Variants in CACNA1I observed in about 807,000 individuals in gnomAD.
CACNA1I encodes the protein voltage-dependent T-type calcium channel subunit alpha-1I.
In CACNA1I, 74 loss-of-function variants were observed where a neutral mutation model predicts 201.6. The ratio of observed to expected loss-of-function variants is 0.37; its 90% CI spans 0.30 to 0.45. The LOEUF is 0.45. CACNA1I is among the 20% of genes least tolerant of loss of function. The probability of loss-of-function intolerance (pLI) is 1.00; values close to 1 mark genes in which losing one functional copy is unlikely to be tolerated. For synonymous variants in CACNA1I, 1,431 were observed against 1,345.2 expected (o/e 1.06, Z -1.40); for missense variants, 2,346 against 3,138.1 (o/e 0.75, Z 6.03).
intron 5 of CACNA1I, among the ~76,000 whole-genome samples, chr22:39,640,497 C>A (rs767832340): frequency 6.6e-6 from 1 of 152,160 alleles, no homozygotes; most frequent in African/African-American, 2.4e-5. Context: ...TCTGCTAGAT[C>A]GGTAAAAGCC....
chr22:39,679,521 G>A (rs575404218), intron 32 of CACNA1I, 76 bp downstream of exon 32: 1 of 1,164,700 alleles, frequency 8.6e-7, no homozygotes, highest in African/African-American at 1.6e-5. Flanking sequence ...CAGGGCCAGG[G>A]AGGCCTTGCA....
At chr22:39,607,439 A>G (rs12160360) in intron 3 of CACNA1I, among the ~76,000 whole-genome samples, 1 of 152,218 alleles carries the variant, frequency 6.6e-6, no homozygotes, top group African/African-American at 2.4e-5. Flanking sequence ...AGAAATCTGC[A>G]TTGTAACCAA....
chr22:39,630,534 A>G (rs73424163), intron 4 of CACNA1I, among the ~76,000 whole-genome samples: 4,248 of 152,288 alleles, frequency 0.028, 179 homozygotes, highest in African/African-American at 0.095. Context: ...GTCGGCCTTC[A>G]AGGGACTGCT....
chr22:39,626,444 G>A (rs1156834012), intron 4 of CACNA1I, among the ~76,000 whole-genome samples: 2 of 152,212 alleles, frequency 1.3e-5, no homozygotes, highest in Admixed American at 1.3e-4. Flanking sequence ...GGGTTGGAGA[G>A]GGTGTGCCTG....
rs150937571 is a variant in CACNA1I, at chr22:39,582,532, T to A, written c.236+11544T>A. On this transcript the variant is annotated intron_variant, in intron 1 of 36. Coordinates refer to ENST00000402142, the MANE Select transcript of CACNA1I (RefSeq NM_021096.4). ...TGAAAAACCCAGCCCAGGCAGTCTC[T>A]GAGATCTCTTGAAGCTCTGAAAGTG... Among the ~76,000 whole-genome samples the A allele has an allele frequency of 8.2e-3, 1,244 of 152,232 alleles. 25 individuals carry two copies. Among genetic ancestry groups the A allele is most frequent in the African/African-American group, 0.029 (1,198 of 41,512 alleles).
In CACNA1I at chr22:39,649,955, C is replaced by A; in HGVS notation, c.1992+30C>A. Reference sequence around the variant, plus strand: ...GTGCAGCGCAGCCGGGCCGGGCCTGCGGGAGAGGTGTGAGGGCCCCAGGAC... The same window carrying A: ...GTGCAGCGCAGCCGGGCCGGGCCTGAGGGAGAGGTGTGAGGGCCCCAGGAC... On this transcript the variant is annotated intron_variant, in intron 10 of 36. Transcript: ENST00000402142. This position sits in a 1 kb window ranked among gnomAD's most constrained non-coding sequence, Gnocchi z 7.3. The A allele has an allele frequency of 1.2e-6, 2 of 1,610,574 alleles. No homozygotes were observed. Among genetic ancestry groups the A allele is most frequent in the Non-Finnish European group, 1.7e-6 (2 of 1,178,280 alleles).
At chr22:39,617,408 T>C (rs1381714629) in intron 3 of CACNA1I, among the ~76,000 whole-genome samples, 1 of 151,628 alleles carries the variant, frequency 6.6e-6, no homozygotes, top group Middle Eastern at 3.2e-3. Context: ...AGGGACTGAC[T>C]CCCCCCACCC....
chr22:39,658,115 T>C, intron 10 of CACNA1I, 37 bp from the exon 11 acceptor site: 1 of 1,609,784 alleles, frequency 6.2e-7, no homozygotes, highest in Non-Finnish European at 8.5e-7. Context: ...CCCTCTGGCC[T>C]GACCGGGTCT....
rs954898228 is a variant in CACNA1I at position 39,660,536 on chromosome 22, C to T, written c.2698+99C>T. On this transcript the variant is annotated intron_variant, in intron 15 of 36. Coordinates refer to ENST00000402142, the MANE Select transcript of CACNA1I (RefSeq NM_021096.4). ...CGTCTGACTCCACCTCAAGCCCAGG[C>T]TCAGGGACTGCTACTTATCTATGGT... 1.0e-5 allele frequency: 7 copies of T among 696,074 alleles called. No individual in the cohort carries two copies. The African/African-American group carries it at 1.3e-4, about 13-fold the overall frequency. 43.1% of individuals were successfully genotyped at this position (696,074 alleles called of 1,614,324 possible). A position where few individuals can be genotyped will look rare whatever the true frequency, so the allele number is the denominator to read the frequency against.
At chr22:39,664,287 C>A in intron 20 of CACNA1I, 128 bp downstream of exon 20, 2 of 758,074 alleles carry the variant, frequency 2.6e-6, no homozygotes, top group Non-Finnish European at 4.3e-6. Flanking sequence ...CATGGCCCAC[C>A]CCTCTGGGTG....
Position 39,665,399 on chromosome 22 carries a change from T to G in CACNA1I, c.3852-99T>G. On this transcript the variant is annotated intron_variant, in intron 21 of 36. Transcript: ENST00000402142. The surrounding 1 kb of genome is among the most constrained non-coding windows in gnomAD (Gnocchi z 5.5). ...AGCCCTGGTGAGCCCTGGGGACTCA[T>G]GCCCTGGGATACTCAGCCCTGGTGA... 1 of 1,441,496 alleles carries G rather than the reference T, an allele frequency of 6.9e-7. No individual in the cohort carries two copies. The highest frequency in any genetic ancestry group is 9.5e-7 in the Non-Finnish European group (1 of 1,056,132). The allele number at this position is 1,441,496 out of a possible 1,614,324, so 89.3% of individuals were successfully genotyped here. A position where few individuals can be genotyped will look rare whatever the true frequency, so the allele number is the denominator to read the frequency against.
chr22:39,658,365 C>A (rs1934893506), intron 11 of CACNA1I, 62 bp downstream of exon 11: 13 of 1,504,838 alleles, frequency 8.6e-6, no homozygotes, highest in Non-Finnish European at 1.2e-5. Context: ...CTGCAAAGAC[C>A]CCAGCCAGCA....
At position 39,649,717 on chromosome 22, in the gene CACNA1I, G is replaced by A. The variant is rs375727237; in HGVS notation, c.1784G>A (p.Arg595Gln). 334 of 1,535,434 alleles carry A rather than the reference G, an allele frequency of 2.2e-4. No homozygotes were observed. The highest frequency in any genetic ancestry group is 7.1e-4 in the African/African-American group (52 of 73,162). Reference protein sequence around the residue: ...GEDEADGDGARSSEDGASSEL... With the variant: ...GEDEADGDGAQSSEDGASSEL... Reference sequence around the variant, plus strand: ...GACGAGGCGGATGGGGACGGGGCCCGGAGCAGCGAGGACGGAGCCTCCTCA... The same window carrying A: ...GACGAGGCGGATGGGGACGGGGCCCAGAGCAGCGAGGACGGAGCCTCCTCA... Residue 595 changes from arginine to glutamine, a missense_variant, in exon 10 of 37, where the codon CGG becomes CAG. Physicochemically the swap from Arg to Gln is conservative, Grantham distance 43. Around this residue, in one of 13 missense-constraint regions of CACNA1I, gnomAD observed 312 missense variants for 331.5 expected, o/e 0.94. Coordinates refer to ENST00000402142, the MANE Select transcript of CACNA1I (RefSeq NM_021096.4). This position sits in a 1 kb window ranked among gnomAD's most constrained non-coding sequence, Gnocchi z 7.3.
At chr22:39,636,094 A>G (rs1462652720) in intron 5 of CACNA1I, among the ~76,000 whole-genome samples, 1 of 152,172 alleles carries the variant, frequency 6.6e-6, no homozygotes, top group Non-Finnish European at 1.5e-5. Flanking sequence ...TTGAAGGAAT[A>G]AGTGAGTAAG....
At chr22:39,672,434 A>G (rs1328513156) in intron 27 of CACNA1I, 126 bp downstream of exon 27, 1 of 711,276 alleles carries the variant, frequency 1.4e-6, no homozygotes, top group East Asian at 2.5e-5. Flanking sequence ...GCACGGATGG[A>G]CAGGCACCCC....
chr22:39,628,380 T>C (rs1933956982), intron 4 of CACNA1I, among the ~76,000 whole-genome samples: 2 of 151,830 alleles, frequency 1.3e-5, no homozygotes, highest in African/African-American at 4.8e-5. Flanking sequence ...GGAGGAGGCT[T>C]CCCAGAGGAG....
chr22:39,585,590 G>A (rs1469656893), intron 1 of CACNA1I, among the ~76,000 whole-genome samples: 5 of 148,424 alleles, frequency 3.4e-5, no homozygotes, highest in Admixed American at 2.7e-4. Flanking sequence ...GTTTCACCAC[G>A]TTGACCAGGC....
chr22:39,681,317 T>G (rs1935697499), intron 34 of CACNA1I, among the ~76,000 whole-genome samples: 1 of 152,224 alleles, frequency 6.6e-6, no homozygotes, highest in Non-Finnish European at 1.5e-5. Context: ...TTGAGTATTT[T>G]CTGGTCCATT....
intron 4 of CACNA1I, 35 bp from the exon 5 acceptor site, chr22:39,634,530 C>A: frequency 1.2e-6 from 2 of 1,612,002 alleles, no homozygotes; most frequent in Middle Eastern, 3.4e-4. Context: ...CCTCTGCTCC[C>A]TGTCTGACCA....
Sources: allele counts gnomAD v4.1 joint callset (sites outside exome capture counted in the v4.1 genomes callset), GRCh38; gene constraint gnomAD v4.1.1; regional missense constraint gnomAD v4.1.1; non-coding constraint Gnocchi (gnomAD v3.1); transcripts MANE v1.5; gene names NCBI Gene and HGNC (gene_info 2026-07-23, HGNC 2026-07-21).